The following PDPK1 variants were observed in gnomAD, a reference collection of about 807,000 sequenced individuals.
The protein encoded by PDPK1 is 3-phosphoinositide-dependent protein kinase 1.
A neutral mutation model predicts 39.8 loss-of-function variants in PDPK1; 7 were observed. The ratio of observed to expected loss-of-function variants is 0.18; its 90% CI spans 0.10 to 0.33. The LOEUF (loss-of-function observed/expected upper bound fraction) is 0.33, where lower values mean the gene tolerates loss of function less well. Among genes scored for constraint, PDPK1 ranks in the 10% least tolerant of loss-of-function variants. PDPK1 has a pLI of 1.00. For synonymous variants in PDPK1, 118 were observed against 159.1 expected, an observed-to-expected ratio of 0.74 and a Z score of 1.95; for missense variants, 182 against 384.7, an observed-to-expected ratio of 0.47 and a Z score of 4.41.
intron 11 of PDPK1, among the ~76,000 whole-genome samples, chr16:2,588,502 TC>T (rs2066923210): frequency 6.6e-6 from 1 of 152,136 alleles, no homozygotes; most frequent in African/African-American, 2.4e-5. Flanking sequence ...GTGTTTCAGC[TC>T]CTTTGGTGAC....
Position 2,601,360 on chromosome 16 carries a change from G to A in PDPK1, c.*3593G>A, listed in dbSNP as rs1207866744. 4.3e-6 allele frequency: 1 copy of A among 234,532 alleles called. No individual in the cohort carries two copies. The highest frequency in any genetic ancestry group is 2.2e-5 in the African/African-American group (1 of 45,310). The allele number at this position is 234,532 out of a possible 1,614,324, so 14.5% of individuals were successfully genotyped here. On this transcript the variant is annotated 3_prime_UTR_variant, in exon 14 of 14. Transcript: ENST00000342085. ...ATGTCACTACTGCAATCCATCTGTG[G>A]CCGATTTTTTCCAAGAGCCAATTTC...
intron 11 of PDPK1, among the ~76,000 whole-genome samples, chr16:2,588,124 G>A (rs1031306725): frequency 2.0e-4 from 30 of 152,196 alleles, no homozygotes; most frequent in African/African-American, 7.2e-4. Context: ...GCTCTGGGCC[G>A]CCCCGGCAGG....
chr16:2,560,233 C>A (rs1430858506), intron 2 of PDPK1, among the ~76,000 whole-genome samples: 1 of 152,204 alleles, frequency 6.6e-6, no homozygotes, highest in South Asian at 2.1e-4. Flanking sequence ...CACTAAATAT[C>A]GGTGCTCGTT....
At chr16:2,540,025 C>T (rs1280157637) in intron 1 of PDPK1, among the ~76,000 whole-genome samples, 2 of 152,148 alleles carry the variant, frequency 1.3e-5, no homozygotes, top group Non-Finnish European at 2.9e-5. Context: ...GAGCGTTTTG[C>T]ATCTGTCAGC....
chr16:2,587,297 G>A (rs918864199), intron 11 of PDPK1, among the ~76,000 whole-genome samples: 4 of 152,180 alleles, frequency 2.6e-5, no homozygotes, highest in South Asian at 2.1e-4. Context: ...GATGGAGGGC[G>A]TGCGTGTTTT....
rs111618468 is a variant in PDPK1, at chr16:2,603,088, CT to C, written c.*5332del. ...ATATAATTTAATGAATCTGTTTATCCTTTTTTTTTTTCCAAATACTTGTGCT... is the reference window on the plus strand; with the variant it reads ...ATATAATTTAATGAATCTGTTTATCCTTTTTTTTTTCCAAATACTTGTGCT... On this transcript the variant is annotated 3_prime_UTR_variant, in exon 14 of 14. Transcript: ENST00000342085. 0.015 allele frequency: 3,015 copies of C among 195,172 alleles called. No individual in the cohort carries two copies. The highest frequency in any genetic ancestry group is 0.031 in the Middle Eastern group (18 of 576). 12.1% of individuals were successfully genotyped at this position (195,172 alleles called of 1,614,324 possible). A position where few individuals can be genotyped will look rare whatever the true frequency, so the allele number is the denominator to read the frequency against.
At chr16:2,576,289 T>A (rs2066707747) in intron 6 of PDPK1, 1 of 146,626 alleles carries the variant, frequency 6.8e-6, no homozygotes, top group Non-Finnish European at 1.5e-5. Context: ...GCTGTCGTGT[T>A]TTAATTTGCA....
chr16:2,596,109 G>A (rs1375895213), intron 12 of PDPK1, among the ~76,000 whole-genome samples: 2 of 152,230 alleles, frequency 1.3e-5, no homozygotes, highest in Non-Finnish European at 2.9e-5. Flanking sequence ...TGAGGTTTCC[G>A]TCAAGTTGAA....
intron 1 of PDPK1, chr16:2,539,195 A>G (rs899859301): frequency 1.2e-5 from 2 of 164,152 alleles, no homozygotes; most frequent in African/African-American, 5.0e-5. Context: ...TTCTCCTGCC[A>G]CAGCCTCCTG....
chr16:2,599,876 G>A lies in PDPK1; in HGVS notation c.*2109G>A, dbSNP rs1015412182. 6.4e-5 allele frequency: 15 copies of A among 233,732 alleles called. No individual in the cohort carries two copies. Among genetic ancestry groups the A allele is most frequent in the African/African-American group, 2.0e-4 (9 of 45,490 alleles). The allele number at this position is 233,732 out of a possible 1,614,324, so 14.5% of individuals were successfully genotyped here. Reference sequence around the variant, plus strand: ...GCTGCTTGGGGAGACTCTTCCGTGCGTTCTTCCTCTGGATAGAACCACCAC... The same window carrying A: ...GCTGCTTGGGGAGACTCTTCCGTGCATTCTTCCTCTGGATAGAACCACCAC... On this transcript the variant is annotated 3_prime_UTR_variant, in exon 14 of 14. Coordinates refer to ENST00000342085, the MANE Select transcript of PDPK1 (RefSeq NM_002613.5).
At chr16:2,577,177 A>G (rs2066727392) in intron 6 of PDPK1, 2 of 580,764 alleles carry the variant, frequency 3.4e-6, no homozygotes, top group South Asian at 4.0e-5. Flanking sequence ...CCACCGGCAG[A>G]ATGTGCTGGC....
Position 2,585,901 on chromosome 16 carries a change from A to G in PDPK1, c.1126-775A>G, listed in dbSNP as rs2066863510. Reference sequence around the variant, plus strand: ...GGCATGCCGCACTCTTATCCTAGCCATTGCTCGTGGCACCTTTTCTTTCCC... The same window carrying G: ...GGCATGCCGCACTCTTATCCTAGCCGTTGCTCGTGGCACCTTTTCTTTCCC... On this transcript the variant is annotated intron_variant, in intron 10 of 13. Coordinates refer to ENST00000342085, the MANE Select transcript of PDPK1 (RefSeq NM_002613.5). 3.9e-5 allele frequency among the ~76,000 whole-genome samples: 6 copies of G among 152,318 alleles called. No individual in the cohort carries two copies. The South Asian group carries it at 1.0e-3, about 26-fold the overall frequency.
rs1210436975 is a variant in PDPK1 at position 2,598,248 on chromosome 16, C to CGGGGGCCGCAGCTTTGTGGT, written c.*500_*501insTGGGGGCCGCAGCTTTGTGG. On this transcript the variant is annotated 3_prime_UTR_variant, in exon 14 of 14. Transcript: ENST00000342085. ...ACTCTTCACCAGGGAGGGAGCCCTGCGGGGGCCGCAGCTTTGTGGAGGGAG... is the reference window on the plus strand; with the variant it reads ...ACTCTTCACCAGGGAGGGAGCCCTGCGGGGGCCGCAGCTTTGTGGTGGGGGCCGCAGCTTTGTGGAGGGAG... The CGGGGGCCGCAGCTTTGTGGT allele has an allele frequency of 4.3e-6, 1 of 234,622 alleles. No individual in the cohort carries two copies. Among genetic ancestry groups the CGGGGGCCGCAGCTTTGTGGT allele is most frequent in the Admixed American group, 5.6e-5 (1 of 17,828 alleles). 14.5% of individuals were successfully genotyped at this position (234,622 alleles called of 1,614,324 possible). A position where few individuals can be genotyped will look rare whatever the true frequency, so the allele number is the denominator to read the frequency against.
chr16:2,540,877 C>G (rs2066232597), intron 1 of PDPK1, among the ~76,000 whole-genome samples: 1 of 152,198 alleles, frequency 6.6e-6, no homozygotes, highest in Non-Finnish European at 1.5e-5. Flanking sequence ...TCCTGCCCTC[C>G]CTAGGGTGGT....
chr16:2,588,952 T>G (rs1460496806), intron 11 of PDPK1, among the ~76,000 whole-genome samples: 2 of 152,278 alleles, frequency 1.3e-5, no homozygotes, highest in South Asian at 2.1e-4. Context: ...GTTTTTGGTA[T>G]CAATATGTTT....
intron 1 of PDPK1, among the ~76,000 whole-genome samples, chr16:2,541,705 G>A (rs1397140174): frequency 1.3e-5 from 2 of 152,222 alleles, no homozygotes; most frequent in East Asian, 3.8e-4. Flanking sequence ...AGGAAGTGCT[G>A]CTGTGGAAAC....
rs1241122532 is a variant in PDPK1 at position 2,538,619 on chromosome 16, A to C, written c.24+483A>C. The C allele has an allele frequency of 2.3e-6, 3 of 1,288,908 alleles. No individual in the cohort carries two copies. In the African/African-American group the frequency reaches 4.6e-5, roughly 20 times the overall value. 79.8% of individuals were successfully genotyped at this position (1,288,908 alleles called of 1,614,324 possible). A position where few individuals can be genotyped will look rare whatever the true frequency, so the allele number is the denominator to read the frequency against. On this transcript the variant is annotated intron_variant, in intron 1 of 13. Coordinates refer to ENST00000342085, the MANE Select transcript of PDPK1 (RefSeq NM_002613.5). ...GATGCTCCTGGGCCCCCTTTTCCAG[A>C]TTCTTGATGACAGTGGTCGGGAAAA... is the stretch of plus-strand genomic sequence containing the variant.
chr16:2,541,757 G>T (rs1231512681), intron 1 of PDPK1, among the ~76,000 whole-genome samples: 18 of 152,278 alleles, frequency 1.2e-4, no homozygotes, highest in Middle Eastern at 3.4e-3. Context: ...TTTCAGCCGT[G>T]CATTCTTCTA....
intron 1 of PDPK1, among the ~76,000 whole-genome samples, chr16:2,545,259 C>T (rs1376253365): frequency 1.3e-5 from 2 of 151,958 alleles, no homozygotes; most frequent in Non-Finnish European, 2.9e-5. Context: ...TTTTCTAATG[C>T]AAAGGTGACG....
Sources: gnomAD v4.1 joint callset for allele counts (sites outside exome capture counted in the v4.1 genomes callset) on GRCh38, gnomAD v4.1.1 for gene constraint, MANE v1.5 for transcripts, NCBI Gene and HGNC (gene_info 2026-07-23, HGNC 2026-07-21) for gene names.